The following MYCBPAP variants were observed in gnomAD, a reference collection of about 807,000 sequenced individuals.
MYCBPAP encodes MYCBP associated protein.
Under a neutral mutation model 106.1 loss-of-function variants are expected in MYCBPAP, and 60 were observed. The observed-to-expected ratio is 0.57, with a 90% confidence interval of 0.46 to 0.70. The LOEUF (loss-of-function observed/expected upper bound fraction) is 0.70, where lower values mean the gene tolerates loss of function less well. Ranked by LOEUF, MYCBPAP falls within the 30% of genes least tolerant of loss-of-function variation. The pLI is 0.00. For missense variants in MYCBPAP, 1,064 were observed against 1,169.3 expected (o/e 0.91, Z 1.31); for synonymous variants, 407 against 440.6 (o/e 0.92, Z 0.95).
At chr17:50,527,841 G>A (rs1232014537) in intron 15 of MYCBPAP, among the ~76,000 whole-genome samples, 2 of 152,180 alleles carry the variant, frequency 1.3e-5, no homozygotes, top group Non-Finnish European at 1.5e-5. Flanking sequence ...TCTCATGCAA[G>A]GTTCAGCCCC....
intron 1 of MYCBPAP, among the ~76,000 whole-genome samples, chr17:50,512,315 A>C (rs1313914227): frequency 6.6e-6 from 1 of 151,934 alleles, no homozygotes; most frequent in African/African-American, 2.4e-5. Context: ...CGGCCTCCCA[A>C]AGTGCTGGGA....
chr17:50,521,543 G>A (rs2034262699), intron 9 of MYCBPAP, 112 bp downstream of exon 9: 6 of 801,694 alleles, frequency 7.5e-6, no homozygotes, highest in South Asian at 1.6e-5. Context: ...CCTAGCTTCT[G>A]TCCAGTGGTT....
rs1383940808 is a variant in MYCBPAP at position 50,509,144 on chromosome 17, G to A, written c.76+394G>A. 6 of 702,838 alleles carry A rather than the reference G, an allele frequency of 8.5e-6. No homozygotes were observed. The African/African-American group carries it at 8.7e-5, about 10-fold the overall frequency. 43.5% of individuals were successfully genotyped at this position (702,838 alleles called of 1,614,324 possible). A position where few individuals can be genotyped will look rare whatever the true frequency, so the allele number is the denominator to read the frequency against. On this transcript the variant is annotated intron_variant, in intron 1 of 18. Transcript: ENST00000323776. Reference sequence around the variant, plus strand: ...CAGGAATTGGGGTCCTTGGGAAGAGGAAAGAATGAAGTGTTGAAACCAGCC... The same window carrying A: ...CAGGAATTGGGGTCCTTGGGAAGAGAAAAGAATGAAGTGTTGAAACCAGCC...
At chr17:50,515,124 G>C (rs1418383121) in intron 1 of MYCBPAP, among the ~76,000 whole-genome samples, 1 of 152,054 alleles carries the variant, frequency 6.6e-6, no homozygotes, top group Non-Finnish European at 1.5e-5. Context: ...ATTTTCTTTG[G>C]AATGCCTGTT....
At chr17:50,519,605 C>T in intron 6 of MYCBPAP, 35 bp from the exon 7 acceptor site, 1 of 1,612,508 alleles carries the variant, frequency 6.2e-7, no homozygotes, top group Non-Finnish European at 8.5e-7. Context: ...GCTGAGGTGT[C>T]CTGGTAATCT....
At position 50,523,684 on chromosome 17, in the gene MYCBPAP, G is replaced by A. The variant is rs375760319; in HGVS notation, c.1535G>A (p.Arg512Gln). Residue 512 changes from arginine (R) to glutamine (Q), a missense_variant, in exon 12 of 19, where the codon CGA becomes CAA. Arg to Gln is a conservative substitution (Grantham distance 43). Transcript: ENST00000323776. ...AGVFREFWEFRTHPTLLGGAI... is the reference protein window; with the variant it reads ...AGVFREFWEFQTHPTLLGGAI... ...GTCTTCAGGGAATTTTGGGAGTTTCGAACCCATCCTACTCTATTAGGAGGT... is the reference window on the plus strand; with the variant it reads ...GTCTTCAGGGAATTTTGGGAGTTTCAAACCCATCCTACTCTATTAGGAGGT... 31 of 1,613,960 alleles carry A rather than the reference G, an allele frequency of 1.9e-5. No homozygotes were observed. The highest frequency in any genetic ancestry group is 4.5e-5 in the East Asian group (2 of 44,906).
rs1428132275 is a variant in MYCBPAP, at chr17:50,521,425, C to T, written c.1142C>T (p.Ala381Val). The T allele has an allele frequency of 6.3e-7, 1 of 1,585,444 alleles. No individual in the cohort carries two copies. The highest frequency in any genetic ancestry group is 1.3e-5 in the African/African-American group (1 of 74,252). ...CAGGGAAGCTCCTCTGAAGACACAG[C>T]ATACTTGTGAGTGCAGCCTGAACCC... ...RSQGSSSEDTAYLGTLASSSD... is the reference protein window; with the variant it reads ...RSQGSSSEDTVYLGTLASSSD... The change falls in exon 9 of 19, where the codon GCA becomes GTA. Residue 381 changes from alanine (A) to valine (V), a missense_variant. Coordinates refer to ENST00000323776, the MANE Select transcript of MYCBPAP (RefSeq NM_032133.6).
chr17:50,517,965 A>G (rs1280153227), intron 4 of MYCBPAP, among the ~76,000 whole-genome samples: 2 of 152,186 alleles, frequency 1.3e-5, no homozygotes, highest in East Asian at 3.9e-4. Flanking sequence ...GGTAGACTGC[A>G]CCCAAAAAGG....
In MYCBPAP at chr17:50,519,065, A is replaced by C; in HGVS notation, c.744A>C (p.Thr248=). 6.3e-7 allele frequency: 1 copy of C among 1,596,836 alleles called. No individual in the cohort carries two copies. Among genetic ancestry groups the C allele is most frequent in the Non-Finnish European group, 8.5e-7 (1 of 1,174,104 alleles). Residue 248 remains threonine (T), a synonymous_variant, in exon 6 of 19, where the codon ACA becomes ACC. Coordinates refer to ENST00000323776, the MANE Select transcript of MYCBPAP (RefSeq NM_032133.6). ...IQEERELIDC[T]LPTRRDRKSW... is the part of the protein sequence containing the mutation. ...AGGAGCGGGAGCTCATTGACTGCAC[A>C]CTTCCAACCCGGCGTGATAGGAAAG...
chr17:50,528,988 A>G, intron 17 of MYCBPAP, 30 bp from the exon 18 acceptor site: 1 of 1,608,198 alleles, frequency 6.2e-7, no homozygotes, highest in East Asian at 2.2e-5. Context: ...GGAGCTCCTG[A>G]AGGCTATGTG....
At position 50,521,178 on chromosome 17, in the gene MYCBPAP, C is replaced by T. The variant is rs146909459; in HGVS notation, c.985C>T (p.Arg329Cys). 36 of 1,613,794 alleles carry T rather than the reference C, an allele frequency of 2.2e-5. No individual in the cohort carries two copies. The African/African-American group carries it at 2.7e-4, about 12-fold the overall frequency. The change falls in exon 8 of 19, where the codon CGC becomes TGC. Residue 329 changes from arginine to cysteine, a missense_variant. Transcript: ENST00000323776. ...WDRSLFLIYR[R>C]KELQRIMEEL... is the part of the protein sequence containing the mutation. Reference sequence around the variant, plus strand: ...TCGGAGTCTGTTTCTGATCTACCGACGCAAGGAGCTGCAGAGAATCATGGA... The same window carrying T: ...TCGGAGTCTGTTTCTGATCTACCGATGCAAGGAGCTGCAGAGAATCATGGA...
At chr17:50,529,420 T>C in intron 18 of MYCBPAP, 1 of 494,476 alleles carries the variant, frequency 2.0e-6, no homozygotes, top group Non-Finnish European at 3.7e-6. Flanking sequence ...CACAGAGGCC[T>C]CAGTGAGGAG....
At chr17:50,510,283 C>T (rs1467129267) in intron 1 of MYCBPAP, 2 of 151,720 alleles carry the variant, frequency 1.3e-5, no homozygotes, top group African/African-American at 2.4e-5. Flanking sequence ...CTCAGCTGCT[C>T]AGGAGGCTGT....
chr17:50,515,067 A>T, intron 1 of MYCBPAP: 1 of 222,186 alleles, frequency 4.5e-6, no homozygotes, highest in Non-Finnish European at 9.6e-6. Context: ...ACATGCTTTG[A>T]GTTCCAGGGA....
intron 10 of MYCBPAP, 48 bp from the exon 11 acceptor site, chr17:50,522,891 T>C (rs1250872717): frequency 3.8e-6 from 6 of 1,577,590 alleles, no homozygotes; most frequent in Non-Finnish European, 5.2e-6. Context: ...TTGTTCACTC[T>C]AGGCCAGGGT....
At chr17:50,514,647 C>T (rs1440916358) in intron 1 of MYCBPAP, among the ~76,000 whole-genome samples, 1 of 151,916 alleles carries the variant, frequency 6.6e-6, no homozygotes, top group Admixed American at 6.6e-5. Context: ...ATACACTCAT[C>T]CTCAGTCATG....
upstream of MYCBPAP, among the ~76,000 whole-genome samples, chr17:50,507,950 A>T (rs1364139169): frequency 6.6e-6 from 1 of 152,196 alleles, no homozygotes; most frequent in Non-Finnish European, 1.5e-5. Context: ...ATCTCCAAGG[A>T]CTGTGAGAAT....
intron 18 of MYCBPAP, chr17:50,530,402 C>T (rs993989081): frequency 5.1e-6 from 1 of 196,252 alleles, no homozygotes; most frequent in African/African-American, 2.4e-5. Flanking sequence ...GGCTGAGGCA[C>T]AATAATCGCT....
At chr17:50,511,510 CAAG>C (rs1337652203) in intron 1 of MYCBPAP, among the ~76,000 whole-genome samples, 1 of 152,170 alleles carries the variant, frequency 6.6e-6, no homozygotes, top group Admixed American at 6.5e-5. Context: ...TTAGATAAAA[CAAG>C]AAGCAGAAGA....
Sources: allele counts gnomAD v4.1 joint callset (sites outside exome capture counted in the v4.1 genomes callset), GRCh38; gene constraint gnomAD v4.1.1; transcripts MANE v1.5; gene names NCBI Gene and HGNC (gene_info 2026-07-23, HGNC 2026-07-21).